SAV1: variants seen among roughly 807,000 people sequenced by gnomAD.
SAV1 encodes protein salvador homolog 1.
A neutral mutation model predicts 47.3 loss-of-function variants in SAV1; 23 were observed. The observed-to-expected ratio is 0.49, with a 90% CI of 0.35 to 0.69. SAV1 has a LOEUF of 0.69. Ranked by LOEUF, SAV1 falls within the 30% of genes least tolerant of loss-of-function variation. The pLI, the probability that SAV1 is intolerant of heterozygous loss-of-function variation, is 0.01. For missense variants in SAV1, 448 were observed against 457.4 expected, an observed-to-expected ratio of 0.98 and a Z score of 0.19; for synonymous variants, 155 against 159.2, an observed-to-expected ratio of 0.97 and a Z score of 0.20.
At chr14:50,638,771 A>G (rs2039657903) in intron 4 of SAV1, among the ~76,000 whole-genome samples, 1 of 152,176 alleles carries the variant, frequency 6.6e-6, no homozygotes, top group South Asian at 2.1e-4. Flanking sequence ...ATTTTATTTT[A>G]TTATATTTTA....
intron 1 of SAV1, 25 bp downstream of exon 1, chr14:50,667,849 T>C (rs1463397466): frequency 1.2e-6 from 2 of 1,603,218 alleles, no homozygotes; most frequent in African/African-American, 2.7e-5. Context: ...GGGCCAGGTG[T>C]GGGCACGCCC....
chr14:50,638,316 A>T (rs1343177635), intron 4 of SAV1, among the ~76,000 whole-genome samples: 1 of 152,152 alleles, frequency 6.6e-6, no homozygotes, highest in Non-Finnish European at 1.5e-5. Flanking sequence ...ACACAGGTAA[A>T]TCATTCCGAA....
At position 50,667,895 on chromosome 14, in the gene SAV1, C is replaced by T. The variant is rs2039917456; in HGVS notation, c.73G>A (p.Glu25Lys). 1 of 1,613,226 alleles carries T rather than the reference C, an allele frequency of 6.2e-7. No homozygotes were observed. Among genetic ancestry groups the T allele is most frequent in the Non-Finnish European group, 8.5e-7 (1 of 1,179,518 alleles). ...AEVQGKYVKK[E>K]TSPLLRNLMP... ...TCACTCCGAAGCAGAGGCGACGTCT[C>T]CTTCTTCACGTACTTCCCCTGCACC... The change falls in exon 1 of 5, where the codon GAG becomes AAG. Residue 25 changes from glutamate to lysine, a missense_variant. By Grantham distance (56) the Glu-to-Lys change is moderately conservative. Transcript: ENST00000324679.
At chr14:50,642,587 C>T (rs1222608885) in intron 3 of SAV1, among the ~76,000 whole-genome samples, 2 of 151,562 alleles carry the variant, frequency 1.3e-5, no homozygotes, top group African/African-American at 4.9e-5. Flanking sequence ...ATGCAATTTA[C>T]CCATGTAACA....
At chr14:50,641,028 T>C (rs1002525907) in intron 3 of SAV1, 135 bp from the exon 4 acceptor site, 4 of 686,546 alleles carry the variant, frequency 5.8e-6, no homozygotes, top group East Asian at 6.3e-5. Flanking sequence ...TGAAAGGTAA[T>C]GTATTTTTAA....
At chr14:50,635,691 T>C (rs1308899631) in intron 4 of SAV1, among the ~76,000 whole-genome samples, 1 of 152,196 alleles carries the variant, frequency 6.6e-6, no homozygotes, top group Non-Finnish European at 1.5e-5. Context: ...AGTTATTAAC[T>C]GCTATTTACA....
intron 2 of SAV1, among the ~76,000 whole-genome samples, chr14:50,647,647 G>A (rs957862937): frequency 2.6e-5 from 4 of 152,030 alleles, no homozygotes; most frequent in Admixed American, 1.3e-4. Flanking sequence ...GCACTTCACC[G>A]AAGACAACAT....
At position 50,635,171 on chromosome 14, in the gene SAV1, T is replaced by A. The variant is rs1012207276; in HGVS notation, c.*12A>T. On this transcript the variant is annotated 3_prime_UTR_variant, in exon 5 of 5. Coordinates refer to ENST00000324679, the MANE Select transcript of SAV1 (RefSeq NM_021818.4). ...AAAGCTCTTACAAAACTTAAATTTT[T>A]AAAAAATCAGCTCAAAAATTTTTTC... 5 of 1,609,742 alleles carry A rather than the reference T, an allele frequency of 3.1e-6. No homozygotes were observed. The African/African-American group carries it at 4.0e-5, about 13-fold the overall frequency.
At chr14:50,653,646 G>A (rs986986340) in intron 2 of SAV1, among the ~76,000 whole-genome samples, 1 of 152,132 alleles carries the variant, frequency 6.6e-6, no homozygotes, top group Non-Finnish European at 1.5e-5. Context: ...CGAGGCAGGT[G>A]TATCACGAGG....
At chr14:50,641,413 T>G (rs1233718565) in intron 3 of SAV1, among the ~76,000 whole-genome samples, 2 of 152,042 alleles carry the variant, frequency 1.3e-5, no homozygotes, top group Non-Finnish European at 2.9e-5. Context: ...AGACCATACT[T>G]TAGTTCTAAT....
intron 2 of SAV1, among the ~76,000 whole-genome samples, chr14:50,654,041 C>A (rs2039792210): frequency 1.3e-5 from 2 of 152,086 alleles, no homozygotes; most frequent in South Asian, 2.1e-4. Flanking sequence ...AGTGGAGGGT[C>A]CCGTCTCCAT....
intron 1 of SAV1, among the ~76,000 whole-genome samples, chr14:50,665,932 TAATG>T (rs1231325100): frequency 1.3e-5 from 2 of 152,232 alleles, no homozygotes; most frequent in African/African-American, 4.8e-5. Context: ...AACTACACAT[TAATG>T]AAATGCTCAT....
chr14:50,661,793 T>G (rs948095938), intron 2 of SAV1, among the ~76,000 whole-genome samples: 10 of 152,266 alleles, frequency 6.6e-5, no homozygotes, highest in African/African-American at 2.4e-4. Flanking sequence ...CATTGGTCTA[T>G]GTGTCTTTCT....
At chr14:50,654,006 A>G (rs1264464425) in intron 2 of SAV1, among the ~76,000 whole-genome samples, 1 of 152,252 alleles carries the variant, frequency 6.6e-6, no homozygotes, top group Non-Finnish European at 1.5e-5. Flanking sequence ...CTGAGCCTTT[A>G]GTGAGTTCAC....
In SAV1 at chr14:50,634,837, T is replaced by G; in HGVS notation, c.*346A>C. The G allele has an allele frequency of 5.5e-6, 1 of 180,698 alleles. No individual in the cohort carries two copies. Among genetic ancestry groups the G allele is most frequent in the South Asian group, 1.3e-4 (1 of 7,498 alleles). The allele number at this position is 180,698 out of a possible 1,614,324, so 11.2% of individuals were successfully genotyped here. A position where few individuals can be genotyped will look rare whatever the true frequency, so the allele number is the denominator to read the frequency against. On this transcript the variant is annotated 3_prime_UTR_variant, in exon 5 of 5. Transcript: ENST00000324679. ...AAAAAAATACCGCAGATTCTTTTTT[T>G]TTTTTAAAGAAGGTACTACTGCTGT... is the stretch of plus-strand genomic sequence containing the variant.
chr14:50,654,523 A>C (rs944084456), intron 2 of SAV1, among the ~76,000 whole-genome samples: 1 of 152,268 alleles, frequency 6.6e-6, no homozygotes, highest in Non-Finnish European at 1.5e-5. Context: ...AACATGAGCA[A>C]TCACTGATCA....
At chr14:50,651,614 A>T (rs2039770545) in intron 2 of SAV1, among the ~76,000 whole-genome samples, 1 of 152,134 alleles carries the variant, frequency 6.6e-6, no homozygotes, top group Non-Finnish European at 1.5e-5. Flanking sequence ...AGTGAATTTT[A>T]TGTATTACTT....
In SAV1 at chr14:50,667,968, C is replaced by A; in HGVS notation, c.-1G>T. 1.2e-6 allele frequency: 2 copies of A among 1,609,524 alleles called. No individual in the cohort carries two copies. The highest frequency in any genetic ancestry group is 1.7e-6 in the Non-Finnish European group (2 of 1,178,518). On this transcript the variant is annotated 5_prime_UTR_variant, in exon 1 of 5. Coordinates refer to ENST00000324679, the MANE Select transcript of SAV1 (RefSeq NM_021818.4). ...TTTTGGTTTTCTTTCGGGACAGCAT[C>A]CTTCTCGACGAGGCCCGAGGCCGCG... is the stretch of plus-strand genomic sequence containing the variant.
intron 3 of SAV1, among the ~76,000 whole-genome samples, chr14:50,641,460 GGGAAAGTGTAA>G (rs1393694511): frequency 6.6e-6 from 1 of 152,014 alleles, no homozygotes; most frequent in Admixed American, 6.6e-5. Context: ...GATATTATAT[GGGAAAGTGTAA>G]GGAAAGCACT....
Sources: allele counts gnomAD v4.1 joint callset (sites outside exome capture counted in the v4.1 genomes callset), GRCh38; gene constraint gnomAD v4.1.1; transcripts MANE v1.5; gene names NCBI Gene and HGNC (gene_info 2026-07-23, HGNC 2026-07-21).